The following ATP2C1 variants were observed in gnomAD, a reference collection of about 807,000 sequenced individuals.
ATP2C1 encodes calcium-transporting ATPase type 2C member 1.
A neutral mutation model predicts 120.5 loss-of-function variants in ATP2C1; 31 were observed. The observed-to-expected ratio is 0.26, with a 90% CI of 0.19 to 0.35. The LOEUF (loss-of-function observed/expected upper bound fraction) is 0.35, where lower values mean the gene tolerates loss of function less well. ATP2C1 is among the 10% of genes least tolerant of loss of function. The probability of loss-of-function intolerance (pLI) is 1.00; values close to 1 mark genes in which losing one functional copy is unlikely to be tolerated. For missense variants in ATP2C1, 731 were observed against 1,107.5 expected, an observed-to-expected ratio of 0.66 and a Z score of 4.83; for synonymous variants, 351 against 358.7, an observed-to-expected ratio of 0.98 and a Z score of 0.24.
At chr3:130,923,543 G>C (rs2059061513) in intron 2 of ATP2C1, among the ~76,000 whole-genome samples, 1 of 149,966 alleles carries the variant, frequency 6.7e-6, no homozygotes, top group South Asian at 2.2e-4. Flanking sequence ...AACTGTTGTT[G>C]CTTTGAAGTC....
In ATP2C1 at chr3:130,980,577, T is replaced by C; in HGVS notation, c.1742-5T>C. 6.2e-7 allele frequency: 1 copy of C among 1,610,656 alleles called. No homozygotes were observed. The highest frequency in any genetic ancestry group is 8.5e-7 in the Non-Finnish European group (1 of 1,177,146). On this transcript the variant is annotated splice_region_variant and splice_polypyrimidine_tract_variant and intron_variant, in intron 19 of 27. Transcript: ENST00000510168. The stretch of plus-strand genomic sequence containing the variant: ...TTATTACATTTTCTCTCTCATTTGC[T>C]TTAGCCAGTCGTCTGGGATTGTATT...
intron 2 of ATP2C1, chr3:130,918,722 T>A (rs536067342): frequency 1.8e-4 from 77 of 433,122 alleles, no homozygotes; most frequent in Middle Eastern, 7.4e-4. Flanking sequence ...CCGGGCGCGG[T>A]GGCTCACGCC....
intron 2 of ATP2C1, among the ~76,000 whole-genome samples, chr3:130,921,168 G>A (rs543662): frequency 0.48 from 69,972 of 146,894 alleles, 18,630 homozygotes; most frequent in Middle Eastern, 0.64. Flanking sequence ...TGCAACCTCC[G>A]CCTCCCAGGT....
At chr3:130,902,504 A>G (rs1363316710) in intron 2 of ATP2C1, among the ~76,000 whole-genome samples, 1 of 95,546 alleles carries the variant, frequency 1.0e-5, no homozygotes, top group Non-Finnish European at 2.3e-5. Flanking sequence ...AGTGTAGATC[A>G]ATGAAGTTAA....
At chr3:130,877,509 A>G (rs942274757) in intron 1 of ATP2C1, among the ~76,000 whole-genome samples, 4 of 152,246 alleles carry the variant, frequency 2.6e-5, no homozygotes, top group Non-Finnish European at 4.4e-5. Context: ...AAAAGAAGAC[A>G]TTTATGCAGC....
At chr3:131,009,752 T>C (rs766596651) in intron 26 of ATP2C1, among the ~76,000 whole-genome samples, 3 of 152,202 alleles carry the variant, frequency 2.0e-5, no homozygotes, top group Non-Finnish European at 4.4e-5. Flanking sequence ...AAGTGGGGTG[T>C]AATGTTTTTA....
At chr3:130,910,725 G>T (rs2058364235) in intron 2 of ATP2C1, among the ~76,000 whole-genome samples, 1 of 24,954 alleles carries the variant, frequency 4.0e-5, no homozygotes, top group African/African-American at 1.3e-4. Flanking sequence ...TTTGTCTTTG[G>T]CTCTGTTTAT....
downstream of ATP2C1, chr3:131,016,685 T>A: frequency 6.0e-6 from 2 of 333,002 alleles, no homozygotes; most frequent in South Asian, 5.4e-5. Flanking sequence ...TTAAATATTA[T>A]TCTCTTTACT....
intron 2 of ATP2C1, among the ~76,000 whole-genome samples, chr3:130,923,926 A>G (rs1316198651): frequency 6.6e-6 from 1 of 151,364 alleles, no homozygotes; most frequent in African/African-American, 2.4e-5. Context: ...TTTTCATGGA[A>G]TATCTTTTTC....
chr3:130,878,193 C>T (rs977361274), intron 1 of ATP2C1, among the ~76,000 whole-genome samples: 13 of 151,036 alleles, frequency 8.6e-5, no homozygotes, highest in Admixed American at 2.0e-4. Flanking sequence ...ATGTAAATGA[C>T]GAGTTAATGG....
At chr3:131,006,450 C>T (rs1490266721), downstream of ATP2C1, among the ~76,000 whole-genome samples, 1 of 152,028 alleles carries the variant, frequency 6.6e-6, no homozygotes, top group African/African-American at 2.4e-5. Flanking sequence ...TTTTTTTGGC[C>T]TTTCTAGCCT....
Position 130,996,785 on chromosome 3 carries a change from C to G in ATP2C1, c.2232C>G (p.Pro744=). ...GGATCAATATTATTATGGATGGACC[C>G]CCAGCTCAGAGGTACGAGTTTTTTA... is the stretch of plus-strand genomic sequence containing the variant. ...ILWINIIMDG[P]PAQSLGVEPV... is the part of the protein sequence containing the mutation. Residue 744 remains proline, a synonymous_variant, in exon 24 of 28, where the codon CCC becomes CCG. Transcript: ENST00000510168. The G allele has an allele frequency of 6.2e-7, 1 of 1,603,594 alleles. No individual in the cohort carries two copies. The highest frequency in any genetic ancestry group is 8.5e-7 in the Non-Finnish European group (1 of 1,170,518).
chr3:130,915,100 T>C (rs1024016131), intron 2 of ATP2C1, among the ~76,000 whole-genome samples: 6 of 151,946 alleles, frequency 3.9e-5, no homozygotes, highest in East Asian at 3.8e-4. Context: ...GTTTTTTTTT[T>C]TTCCCCCCCT....
intron 8 of ATP2C1, among the ~76,000 whole-genome samples, chr3:130,947,786 C>T (rs1399758097): frequency 5.9e-5 from 9 of 151,664 alleles, no homozygotes; most frequent in Non-Finnish European, 1.3e-4. Context: ...TTTTCCACGC[C>T]CCTCCAATTG....
chr3:130,872,863 G>A (rs2068480333), intron 1 of ATP2C1, among the ~76,000 whole-genome samples: 1 of 152,150 alleles, frequency 6.6e-6, no homozygotes, highest in Non-Finnish European at 1.5e-5. Flanking sequence ...GATTACAGGT[G>A]TGAGCCACTG....
At position 131,001,539 on chromosome 3, in the gene ATP2C1, T is replaced by G. The variant is rs916251475; in HGVS notation, c.*189T>G. 26 of 1,301,526 alleles carry G rather than the reference T, an allele frequency of 2.0e-5. No homozygotes were observed. In the African/African-American group the frequency reaches 3.5e-4, roughly 17 times the overall value. 80.6% of individuals were successfully genotyped at this position (1,301,526 alleles called of 1,614,324 possible). On this transcript the variant is annotated 3_prime_UTR_variant, in exon 28 of 28. Coordinates refer to ENST00000510168, the MANE Select transcript of ATP2C1 (RefSeq NM_001378687.1). ...CAAATGAAATTATGCAACTTTGATA[T>G]CATATTCCTTGATTTAAATTGGCTT...
intron 2 of ATP2C1, among the ~76,000 whole-genome samples, chr3:130,903,704 T>C (rs1302936097): frequency 7.6e-5 from 1 of 13,158 alleles, no homozygotes; most frequent in Non-Finnish European, 3.2e-4. Flanking sequence ...CCTTTCCCCT[T>C]TCCTTTCCTT....
At chr3:130,932,548 C>A (rs1271690255) in intron 4 of ATP2C1, among the ~76,000 whole-genome samples, 1 of 152,062 alleles carries the variant, frequency 6.6e-6, no homozygotes. Flanking sequence ...CCAGTTGTGT[C>A]ATCTTTATTA....
intron 20 of ATP2C1, among the ~76,000 whole-genome samples, chr3:130,988,532 C>T (rs964145345): frequency 6.6e-6 from 1 of 152,174 alleles, no homozygotes; most frequent in African/African-American, 2.4e-5. Context: ...ACAAGGCTCA[C>T]TGCAACCCAC....
Sources: gnomAD v4.1 joint callset for allele counts (sites outside exome capture counted in the v4.1 genomes callset) on GRCh38, gnomAD v4.1.1 for gene constraint, MANE v1.5 for transcripts, NCBI Gene and HGNC (gene_info 2026-07-23, HGNC 2026-07-21) for gene names.